Variants in GRM7 observed in about 807,000 individuals in gnomAD.
The protein encoded by GRM7 is metabotropic glutamate receptor 7.
In GRM7, 35 loss-of-function variants were observed where a neutral mutation model predicts 84.5. The observed-to-expected ratio is 0.41, with a 90% CI of 0.32 to 0.55. The LOEUF is 0.55. Among genes scored for constraint, GRM7 ranks in the 20% least tolerant of loss-of-function variants. The pLI, the probability that GRM7 is intolerant of heterozygous loss-of-function variation, is 0.19. For missense variants in GRM7, 1,003 were observed against 1,194.6 expected (o/e 0.84, Z 2.36); for synonymous variants, 487 against 455.1 (o/e 1.07, Z -0.89).
At chr3:7,175,675 C>G (rs1349002427) in intron 2 of GRM7, among the ~76,000 whole-genome samples, 1 of 151,988 alleles carries the variant, frequency 6.6e-6, no homozygotes, top group Non-Finnish European at 1.5e-5. Context: ...GTAGCTGGGA[C>G]TACAGGCAGG....
At chr3:6,879,760 A>G (rs1695439312) in intron 1 of GRM7, among the ~76,000 whole-genome samples, 1 of 152,202 alleles carries the variant, frequency 6.6e-6, no homozygotes, top group Admixed American at 6.5e-5. Flanking sequence ...ATCGATTTAT[A>G]ATGAGTTTAC....
At chr3:7,103,854 C>CTCTGTCTCTCTCTCTCTCTTTCTT (rs1699209352) in intron 1 of GRM7, among the ~76,000 whole-genome samples, 2 of 123,582 alleles carry the variant, frequency 1.6e-5, no homozygotes, top group African/African-American at 7.3e-5. Flanking sequence ...CTCTCTCTCT[C>CTCTGTCTCTCTCTCTCTCTTTCTT]TCTTTCTTTC....
At chr3:7,553,589 A>G (rs1253539330) in intron 7 of GRM7, among the ~76,000 whole-genome samples, 1 of 152,180 alleles carries the variant, frequency 6.6e-6, no homozygotes, top group Non-Finnish European at 1.5e-5. Flanking sequence ...ACTTACAATT[A>G]TGGTGGAAGG....
At chr3:6,997,758 C>T (rs1186877924) in intron 1 of GRM7, among the ~76,000 whole-genome samples, 10 of 152,240 alleles carry the variant, frequency 6.6e-5, no homozygotes, top group South Asian at 6.2e-4. Flanking sequence ...TAACTCATTC[C>T]AGCATTCGTC....
Position 7,136,994 on chromosome 3 carries a change from C to T in GRM7, c.520-9458C>T, listed in dbSNP as rs373613359. Among the ~76,000 whole-genome samples, 11 of 152,198 alleles carry T rather than the reference C, an allele frequency of 7.2e-5. No homozygotes were observed. The East Asian group carries it at 1.2e-3, about 16-fold the overall frequency. On this transcript the variant is annotated intron_variant, in intron 1 of 9. Coordinates refer to ENST00000357716, the MANE Select transcript of GRM7 (RefSeq NM_000844.4). Reference sequence around the variant, plus strand: ...AATTCACTGTGCTTTCTGGGGCAAACATTGTAGAGGTTAGGGCAGAGCCTT... The same window carrying T: ...AATTCACTGTGCTTTCTGGGGCAAATATTGTAGAGGTTAGGGCAGAGCCTT...
chr3:7,172,296 A>T (rs964958519), intron 2 of GRM7, among the ~76,000 whole-genome samples: 1 of 152,168 alleles, frequency 6.6e-6, no homozygotes, highest in Non-Finnish European at 1.5e-5. Context: ...TGTTAAATAA[A>T]CCACATTCCT....
At chr3:6,869,551 T>C (rs1695044540) in intron 1 of GRM7, among the ~76,000 whole-genome samples, 1 of 92,592 alleles carries the variant, frequency 1.1e-5, no homozygotes, top group African/African-American at 4.1e-5. Flanking sequence ...AAAATTTACA[T>C]ACATATGTAT....
At chr3:6,966,990 A>G (rs192294153) in intron 1 of GRM7, among the ~76,000 whole-genome samples, 1 of 152,274 alleles carries the variant, frequency 6.6e-6, no homozygotes, top group East Asian at 1.9e-4. Context: ...AGAGTTGATT[A>G]AATAATATCA....
chr3:7,469,593 A>G (rs926072303), intron 7 of GRM7, among the ~76,000 whole-genome samples: 1 of 152,118 alleles, frequency 6.6e-6, no homozygotes, highest in African/African-American at 2.4e-5. Context: ...CTACACTTTA[A>G]TGCTACATTA....
At chr3:7,057,617 G>C (rs534852190) in intron 1 of GRM7, among the ~76,000 whole-genome samples, 1 of 151,882 alleles carries the variant, frequency 6.6e-6, no homozygotes, top group African/African-American at 2.4e-5. Flanking sequence ...CATACTTCTG[G>C]AAAATGAAAG....
In GRM7 at chr3:7,707,315, G is replaced by A. The variant is rs145718210; in HGVS notation, c.2698+27020G>A. Among the ~76,000 whole-genome samples, 829 of 152,264 alleles carry A rather than the reference G, an allele frequency of 5.4e-3. 10 individuals are homozygous for A. The highest frequency in any genetic ancestry group is 0.017 in the African/African-American group (724 of 41,568). On this transcript the variant is annotated intron_variant, in intron 9 of 9. Transcript: ENST00000357716. ...ATTTTAACCTTTCTCCATAGTCTGA[G>A]TTTCTTGGTTTAGTCATTTCTTGCC...
chr3:7,342,585 T>C (rs970023383), intron 4 of GRM7, among the ~76,000 whole-genome samples: 2 of 152,166 alleles, frequency 1.3e-5, no homozygotes, highest in African/African-American at 4.8e-5. Context: ...GTACTAATCA[T>C]TTCCAAACTT....
chr3:7,381,583 C>T (rs1174750609), intron 4 of GRM7, among the ~76,000 whole-genome samples: 1 of 151,962 alleles, frequency 6.6e-6, no homozygotes, highest in Non-Finnish European at 1.5e-5. Context: ...GATGTATATC[C>T]AAAGAGCCGC....
At chr3:7,398,771 C>T (rs1695323754) in intron 4 of GRM7, among the ~76,000 whole-genome samples, 1 of 152,102 alleles carries the variant, frequency 6.6e-6, no homozygotes, top group Non-Finnish European at 1.5e-5. Context: ...CTTAAACCTA[C>T]ATCCAGGGGA....
chr3:6,951,392 T>C (rs1303313040), intron 1 of GRM7, among the ~76,000 whole-genome samples: 1 of 152,172 alleles, frequency 6.6e-6, no homozygotes, highest in African/African-American at 2.4e-5. Context: ...ATTTGAGGTC[T>C]TTCTTCTTTT....
chr3:7,053,991 A>G (rs1422635813), intron 1 of GRM7, among the ~76,000 whole-genome samples: 1 of 151,074 alleles, frequency 6.6e-6, no homozygotes, highest in Non-Finnish European at 1.5e-5. Flanking sequence ...GGATTTATTT[A>G]ATTTTATCAA....
chr3:6,989,264 G>A (rs1021574501), intron 1 of GRM7, among the ~76,000 whole-genome samples: 5 of 152,102 alleles, frequency 3.3e-5, no homozygotes, highest in African/African-American at 1.2e-4. Context: ...TATATTTTAT[G>A]TATGTCAACA....
intron 1 of GRM7, among the ~76,000 whole-genome samples, chr3:7,050,457 T>A (rs765003502): frequency 1.6e-4 from 25 of 151,900 alleles, no homozygotes; most frequent in Non-Finnish European, 2.5e-4. Flanking sequence ...CAGTTTCACA[T>A]CTAAACACAT....
chr3:7,362,623 A>G (rs1218139476), intron 4 of GRM7, among the ~76,000 whole-genome samples: 1 of 152,048 alleles, frequency 6.6e-6, no homozygotes, highest in Non-Finnish European at 1.5e-5. Flanking sequence ...ATCTATAACA[A>G]CTGCTCTTTA....
Sources: gnomAD v4.1 joint callset for allele counts (sites outside exome capture counted in the v4.1 genomes callset) on GRCh38, gnomAD v4.1.1 for gene constraint, MANE v1.5 for transcripts, NCBI Gene and HGNC (gene_info 2026-07-23, HGNC 2026-07-21) for gene names.